STAU1: variants seen among roughly 807,000 people sequenced by gnomAD.
STAU1 encodes the protein staufen double-stranded RNA binding protein 1.
A neutral mutation model predicts 62.9 loss-of-function variants in STAU1; 13 were observed. That is an observed-to-expected ratio of 0.21 (90% CI 0.13 to 0.33). STAU1 has a LOEUF of 0.33. Among genes scored for constraint, STAU1 ranks in the 10% least tolerant of loss-of-function variants. The probability of loss-of-function intolerance (pLI) is 1.00; values close to 1 mark genes in which losing one functional copy is unlikely to be tolerated. For synonymous variants in STAU1, 269 were observed against 265.1 expected, an observed-to-expected ratio of 1.01 and a Z score of -0.14; for missense variants, 571 against 712.1, an observed-to-expected ratio of 0.80 and a Z score of 2.25.
chr20:49,212,629 G>A, the STAU1 span, among the ~76,000 whole-genome samples: 1 of 3,264 alleles, frequency 3.1e-4, no homozygotes, highest in East Asian at 4.5e-3. Flanking sequence ...TTTTTTTTTA[G>A]GCAGAGTTTT....
chr20:49,170,785 GAAA>G (rs34699924), intron 2 of STAU1, among the ~76,000 whole-genome samples: 3 of 135,766 alleles, frequency 2.2e-5, no homozygotes, highest in Admixed American at 7.4e-5. Flanking sequence ...ATGTGTCTGG[GAAA>G]AAAAAAAAAA....
At chr20:49,212,877 C>T in the STAU1 span, among the ~76,000 whole-genome samples, 1 of 152,046 alleles carries the variant, frequency 6.6e-6, no homozygotes, top group Non-Finnish European at 1.5e-5. Context: ...GGATTAAAGG[C>T]TTGAGCCATC....
chr20:49,117,234 G>A lies in STAU1; in HGVS notation c.1524C>T (p.Asp508=). The A allele has an allele frequency of 1.9e-6, 3 of 1,614,198 alleles. No homozygotes were observed. The highest frequency in any genetic ancestry group is 1.7e-6 in the Non-Finnish European group (2 of 1,180,020). Residue 508 remains aspartate, a synonymous_variant, in exon 12 of 14, where the codon GAC becomes GAT. Coordinates refer to ENST00000371856, the MANE Select transcript of STAU1 (RefSeq NM_017453.4). This position sits in a 1 kb window ranked among gnomAD's most constrained non-coding sequence, Gnocchi z 4.6. The stretch of plus-strand genomic sequence containing the variant: ...ATTCGTTCTTGTTGTTTTTGGGGAA[G>A]TCTTTGTATTCAACCTAAGGGGGAA... ...RVQGFQVEYK[D]FPKNNKNEFV...
intron 3 of STAU1, among the ~76,000 whole-genome samples, chr20:49,156,156 T>C (rs1205474868): frequency 6.6e-6 from 1 of 152,230 alleles, no homozygotes; most frequent in Non-Finnish European, 1.5e-5. Flanking sequence ...ACCAACAAAA[T>C]TACAATCAAT....
In STAU1 at chr20:49,175,798, C is replaced by CCT. The variant is rs58550746; in HGVS notation, c.-159-1530_-159-1529insAG. 1.3e-4 allele frequency among the ~76,000 whole-genome samples: 14 copies of CCT among 104,824 alleles called. 1 individual carries two copies. The highest frequency in any genetic ancestry group is 3.2e-4 in the South Asian group (1 of 3,096). 68.8% of individuals were successfully genotyped at this position (104,824 alleles called of 152,430 possible). A position where few individuals can be genotyped will look rare whatever the true frequency, so the allele number is the denominator to read the frequency against. On this transcript the variant is annotated intron_variant, in intron 1 of 13. Transcript: ENST00000371856. ...GCCACCACACCCAACCTCATAATGC[C>CCT]TTTTTTTTTTTTTTTTGAGACGGAG...
intron 2 of STAU1, among the ~76,000 whole-genome samples, chr20:49,173,565 A>G (rs977402804): frequency 7.9e-5 from 12 of 152,178 alleles, no homozygotes; most frequent in Admixed American, 7.9e-4. Context: ...CTCATCCTCA[A>G]AGTAGGTTAA....
upstream of STAU1, chr20:49,188,354 G>A (rs1326092297): frequency 1.3e-5 from 2 of 152,176 alleles, no homozygotes; most frequent in African/African-American, 4.8e-5. Flanking sequence ...GGCGCCCGCA[G>A]CCCGGCAGGA....
At chr20:49,151,508 T>C (rs2093248390) in intron 5 of STAU1, 74 bp downstream of exon 5, 1 of 1,382,762 alleles carries the variant, frequency 7.2e-7, no homozygotes. Context: ...TTAGAAAAGA[T>C]AATGTGCGGT....
the STAU1 span, among the ~76,000 whole-genome samples, chr20:49,212,485 C>T: frequency 3.4e-3 from 521 of 152,154 alleles, 1 homozygote; most frequent in Non-Finnish European, 4.2e-3. Flanking sequence ...ACATGGTTAC[C>T]ATCTTTTAGA....
At chr20:49,158,000 G>A (rs890214465) in intron 3 of STAU1, among the ~76,000 whole-genome samples, 6 of 152,060 alleles carry the variant, frequency 3.9e-5, no homozygotes, top group Non-Finnish European at 2.9e-5. Context: ...CAATTGAAGC[G>A]GCCGGGTGTG....
At chr20:49,120,178 C>A in intron 8 of STAU1, 50 bp from the exon 9 acceptor site, 1 of 1,562,980 alleles carries the variant, frequency 6.4e-7, no homozygotes. Flanking sequence ...TTCAGAATAA[C>A]AACCAGGCAG....
chr20:49,167,493 G>T (rs2093541823), intron 2 of STAU1, among the ~76,000 whole-genome samples: 1 of 152,144 alleles, frequency 6.6e-6, no homozygotes, highest in South Asian at 2.1e-4. Flanking sequence ...AGCGAAATGT[G>T]ACTCTGGATA....
At chr20:49,133,882 G>A (rs2092809668) in intron 6 of STAU1, among the ~76,000 whole-genome samples, 1 of 152,080 alleles carries the variant, frequency 6.6e-6, no homozygotes, top group African/African-American at 2.4e-5. Context: ...GGCATCAGCA[G>A]GGTGAGGTGA....
Position 49,113,884 on chromosome 20 carries a change from G to GT in STAU1, c.*993dup, listed in dbSNP as rs1159221193. 3.3e-5 allele frequency: 5 copies of GT among 152,568 alleles called. No individual in the cohort carries two copies. In the East Asian group the frequency reaches 7.7e-4, roughly 23 times the overall value. 9.5% of individuals were successfully genotyped at this position (152,568 alleles called of 1,614,324 possible). A position where few individuals can be genotyped will look rare whatever the true frequency, so the allele number is the denominator to read the frequency against. On this transcript the variant is annotated 3_prime_UTR_variant, in exon 14 of 14. Transcript: ENST00000371856. ...AGAGCCATATGTATAGATACACAAT[G>GT]TTTTTTAATAATCTTTAAAACAGAG... is the stretch of plus-strand genomic sequence containing the variant.
At chr20:49,179,328 T>C (rs2093697305) in intron 1 of STAU1, 1 of 152,216 alleles carries the variant, frequency 6.6e-6, no homozygotes, top group Non-Finnish European at 1.5e-5. Flanking sequence ...ACTTTTATTC[T>C]TTTTTATGTT....
chr20:49,165,499 C>T (rs2093512020), intron 3 of STAU1, among the ~76,000 whole-genome samples: 1 of 151,898 alleles, frequency 6.6e-6, no homozygotes, highest in African/African-American at 2.4e-5. Flanking sequence ...CCAAGCCCAG[C>T]TAGTTTGTGT....
At chr20:49,138,550 G>A (rs531307144) in intron 5 of STAU1, among the ~76,000 whole-genome samples, 7 of 152,168 alleles carry the variant, frequency 4.6e-5, no homozygotes, top group Non-Finnish European at 8.8e-5. Flanking sequence ...TGCCCAGTCT[G>A]AAGGACAGTG....
At chr20:49,136,234 G>A (rs375910986) in intron 5 of STAU1, among the ~76,000 whole-genome samples, 4 of 152,168 alleles carry the variant, frequency 2.6e-5, no homozygotes, top group Admixed American at 1.3e-4. Flanking sequence ...CCAGGAGATC[G>A]AGGCTGCAGT....
chr20:49,129,739 A>G (rs1355359512), intron 6 of STAU1, among the ~76,000 whole-genome samples: 2 of 148,062 alleles, frequency 1.4e-5, no homozygotes, highest in Non-Finnish European at 3.0e-5. Context: ...GGTTCAAGCG[A>G]TTCTCATGCC....
Sources: gnomAD v4.1 joint callset for allele counts (sites outside exome capture counted in the v4.1 genomes callset) on GRCh38, gnomAD v4.1.1 for gene constraint, Gnocchi (gnomAD v3.1) non-coding constraint, MANE v1.5 for transcripts, NCBI Gene and HGNC (gene_info 2026-07-23, HGNC 2026-07-21) for gene names.